The following EHBP1L1 variants were observed in gnomAD, a reference collection of about 807,000 sequenced individuals.
EHBP1L1 encodes EH domain binding protein 1 like 1.
A neutral mutation model predicts 151.1 loss-of-function variants in EHBP1L1; 122 were observed. The ratio of observed to expected loss-of-function variants is 0.81; its 90% CI spans 0.70 to 0.94. The LOEUF (loss-of-function observed/expected upper bound fraction) is 0.94, where lower values mean the gene tolerates loss of function less well. Among genes scored for constraint, EHBP1L1 ranks in the 40% least tolerant of loss-of-function variants. EHBP1L1 has a pLI of 0.00. For synonymous variants in EHBP1L1, 878 were observed against 810.1 expected (o/e 1.08, Z -1.42); for missense variants, 1,941 against 1,959.8 (o/e 0.99, Z 0.18).
chr11:65,581,598 G>T lies in EHBP1L1; in HGVS notation c.926G>T (p.Gly309Val). The T allele has an allele frequency of 1.3e-6, 2 of 1,526,228 alleles. No homozygotes were observed. Among genetic ancestry groups the T allele is most frequent in the Non-Finnish European group, 1.8e-6 (2 of 1,136,768 alleles). 94.5% of individuals were successfully genotyped at this position (1,526,228 alleles called of 1,614,324 possible). Residue 309 changes from glycine to valine, a missense_variant, in exon 9 of 19, where the codon GGC (glycine) becomes GTC (valine). Transcript: ENST00000309295. ...APTPAPRLRK[G>V]SDALRPPVPQ... ...ACCCCAGCCCCTCGGCTCCGGAAAG[G>T]CTCTGATGCCCTCCGGCCCCCAGTC... is the stretch of plus-strand genomic sequence containing the variant.
Position 65,582,262 on chromosome 11 carries a change from A to T in EHBP1L1, c.1590A>T (p.Gly530=). ...GCCTGGAGCAGGGCCCTTCTGTTGG[A>T]GCAATAAGCACCAGGCCCCAGGTGA... ...GTGLEQGPSV[G]AISTRPQVSS... The change falls in exon 9 of 19, where the codon GGA becomes GGT. Residue 530 remains glycine, a synonymous_variant. Coordinates refer to ENST00000309295, the MANE Select transcript of EHBP1L1 (RefSeq NM_001099409.3). 1.3e-6 allele frequency: 2 copies of T among 1,526,724 alleles called. No individual in the cohort carries two copies. The allele number at this position is 1,526,724 out of a possible 1,614,324, so 94.6% of individuals were successfully genotyped here.
chr11:65,583,794 T>C (rs890817942), intron 9 of EHBP1L1, 29 bp downstream of exon 9: 1 of 1,452,654 alleles, frequency 6.9e-7, no homozygotes, highest in Non-Finnish European at 9.0e-7. Flanking sequence ...GAGGGCCCAG[T>C]CTGCTGCTTC....
chr11:65,585,114 G>C lies in EHBP1L1; in HGVS notation c.3456G>C (p.Glu1152Asp). 3 of 1,508,842 alleles carry C rather than the reference G, an allele frequency of 2.0e-6. No homozygotes were observed. In the South Asian group the frequency reaches 3.7e-5, roughly 18 times the overall value. 93.5% of individuals were successfully genotyped at this position (1,508,842 alleles called of 1,614,324 possible). Residue 1152 changes from glutamate to aspartate, a missense_variant, in exon 12 of 19, where the codon GAG (glutamate) becomes GAC (aspartate). Glu to Asp is a conservative substitution (Grantham distance 45, BLOSUM62 2). Transcript: ENST00000309295. This position sits in a 1 kb window ranked among gnomAD's most constrained non-coding sequence, Gnocchi z 4.0. ...TGQELQLVQL[E>D]GGGGAGTYRV... ...AGGAGCTGCAGCTGGTACAACTGGAGGGCGGCGGCGGCGCCGGCACGTACC... is the reference window on the plus strand; with the variant it reads ...AGGAGCTGCAGCTGGTACAACTGGACGGCGGCGGCGGCGCCGGCACGTACC...
At position 65,585,588 on chromosome 11, in the gene EHBP1L1, T is replaced by G; in HGVS notation, c.3930T>G (p.Ala1310=). The part of the protein sequence containing the change: ...DPDAGAMGAA[A]AEGQAPDPSP... ...ACGCGGGAGCCATGGGAGCTGCGGC[T>G]GCAGTGAGTGTCAAGGTCCTTCTTT... The change falls in exon 12 of 19, where the codon GCT becomes GCG. Residue 1310 remains alanine, a synonymous_variant. Coordinates refer to ENST00000309295, the MANE Select transcript of EHBP1L1 (RefSeq NM_001099409.3). This position sits in a 1 kb window ranked among gnomAD's most constrained non-coding sequence, Gnocchi z 4.0. The G allele has an allele frequency of 6.4e-7, 1 of 1,574,340 alleles. No individual in the cohort carries two copies. The highest frequency in any genetic ancestry group is 8.6e-7 in the Non-Finnish European group (1 of 1,167,804).
rs1302798086 is a variant in EHBP1L1, at chr11:65,581,925, G to C, written c.1253G>C (p.Ser418Thr). 71 of 1,613,702 alleles carry C rather than the reference G, an allele frequency of 4.4e-5. No homozygotes were observed. The highest frequency in any genetic ancestry group is 5.9e-5 in the Non-Finnish European group (70 of 1,179,854). Reference protein sequence around the residue: ...SGVRAGEAEESSAVCQVDAEQ... With the variant: ...SGVRAGEAEETSAVCQVDAEQ... ...GTCAGAGCTGGGGAGGCTGAAGAGA[G>C]TTCAGCAGTTTGTCAAGTGGATGCT... Residue 418 changes from serine (S) to threonine (T), a missense_variant, in exon 9 of 19, where the codon AGT becomes ACT. Ser to Thr is a moderately conservative substitution (Grantham distance 58). Transcript: ENST00000309295.
At chr11:65,579,170 GGATGGGGGCCGGTGGGAGGCT>G (rs751888092) in intron 2 of EHBP1L1, 35 bp downstream of exon 2, 2 of 1,573,128 alleles carry the variant, frequency 1.3e-6, no homozygotes, top group East Asian at 4.7e-5. Context: ...TCCAGGTTAG[GGATGGGGGCCGGTGGGAGGCT>G]GATGGGGGCT....
Position 65,592,271 on chromosome 11 carries a change from T to C in EHBP1L1, c.4541T>C (p.Leu1514Ser). Reference protein sequence around the residue: ...EQRRRKLSRQLSRRERCVLS With the variant: ...EQRRRKLSRQSSRRERCVLS ...CGGCGCCGCAAGCTGAGCCGGCAGT[T>C]GAGCCGGCGGGAGCGCTGCGTGCTG... The change falls in exon 19 of 19, where the codon TTG becomes TCG. Residue 1514 changes from leucine (L) to serine (S), a missense_variant. By Grantham distance (145) the Leu-to-Ser change is moderately radical. Coordinates refer to ENST00000309295, the MANE Select transcript of EHBP1L1 (RefSeq NM_001099409.3). The C allele has an allele frequency of 6.5e-7, 1 of 1,531,406 alleles. No individual in the cohort carries two copies. The highest frequency in any genetic ancestry group is 8.7e-7 in the Non-Finnish European group (1 of 1,145,236). 94.9% of individuals were successfully genotyped at this position (1,531,406 alleles called of 1,614,324 possible). A position where few individuals can be genotyped will look rare whatever the true frequency, so the allele number is the denominator to read the frequency against.
intron 16 of EHBP1L1, 97 bp downstream of exon 16, chr11:65,590,689 C>T (rs1858226135): frequency 9.5e-7 from 1 of 1,057,874 alleles, no homozygotes; most frequent in Non-Finnish European, 1.4e-6. Context: ...ATCTTTTTGA[C>T]AAACGATTCC....
chr11:65,582,362 GCT>G lies in EHBP1L1; in HGVS notation c.1691_1692del (p.Ala564GlyfsTer11). On this transcript the variant is annotated frameshift_variant, in exon 9 of 19. Coordinates refer to ENST00000309295, the MANE Select transcript of EHBP1L1 (RefSeq NM_001099409.3). LOFTEE classifies it high-confidence loss of function. The stretch of plus-strand genomic sequence containing the variant: ...GGGTCTGGGAGGCTGGGAGGCAGAA[GCT>G]GGGGGTTCAGGGGACCTGGAAACAG... ...SRGLGGWEAE[A>X]GGSGDLETET... 1 of 1,584,640 alleles carries G rather than the reference GCT, an allele frequency of 6.3e-7. No homozygotes were observed. The highest frequency in any genetic ancestry group is 8.6e-7 in the Non-Finnish European group (1 of 1,167,544).
chr11:65,580,581 C>G (rs1210414324), intron 6 of EHBP1L1, 102 bp downstream of exon 6: 1 of 1,473,022 alleles, frequency 6.8e-7, no homozygotes, highest in Non-Finnish European at 9.1e-7. Flanking sequence ...GATGGGAACT[C>G]ATTACTGCCC....
In EHBP1L1 at chr11:65,585,774, T is replaced by G. The variant is rs1316602976; in HGVS notation, c.3933+183T>G. Among the ~76,000 whole-genome samples the G allele has an allele frequency of 6.6e-6, 1 of 152,160 alleles. No homozygotes were observed. Among genetic ancestry groups the G allele is most frequent in the Non-Finnish European group, 1.5e-5 (1 of 68,008 alleles). On this transcript the variant is annotated intron_variant, in intron 12 of 18. Transcript: ENST00000309295. This position sits in a 1 kb window ranked among gnomAD's most constrained non-coding sequence, Gnocchi z 4.0. ...TCTGATCAGAGGGACCCTGGTGCTG[T>G]GGAAGAGTCCTCTGGTGTGGTAGTG...
rs902837840 is a variant in EHBP1L1 at position 65,581,751 on chromosome 11, C to T, written c.1079C>T (p.Pro360Leu). ...GTEAHGARLG[P>L]SIEDKGSGDP... ...GAAGCCCATGGAGCTAGGCTGGGCC[C>T]GAGCATTGAGGATAAAGGTTCTGGA... The change falls in exon 9 of 19, where the codon CCG (proline) becomes CTG (leucine). Residue 360 changes from proline (P) to leucine (L), a missense_variant. Pro to Leu is a moderately conservative substitution (Grantham distance 98, BLOSUM62 -3). Transcript: ENST00000309295. The T allele has an allele frequency of 6.8e-6, 11 of 1,607,078 alleles. No individual in the cohort carries two copies. The highest frequency in any genetic ancestry group is 1.7e-5 in the Admixed American group (1 of 58,812).
chr11:65,582,188 A>C lies in EHBP1L1; in HGVS notation c.1516A>C (p.Arg506=). The part of the protein sequence containing the change: ...EGARAAAGQE[R]EGAEVRGGAP... ...GGCCAGGGCTGCTGCAGGCCAGGAG[A>C]GAGAGGGTGCAGAAGTGAGGGGTGG... Residue 506 remains arginine (R), a synonymous_variant, in exon 9 of 19, where the codon AGA becomes CGA. Transcript: ENST00000309295. The C allele has an allele frequency of 1.3e-6, 2 of 1,556,682 alleles. No homozygotes were observed. The highest frequency in any genetic ancestry group is 1.7e-6 in the Non-Finnish European group (2 of 1,154,050).
chr11:65,581,226 A>T lies in EHBP1L1; in HGVS notation c.719A>T (p.Asn240Ile). Reference protein sequence around the residue: ...RPQQAVASPSNAEDTSPAPVS... With the variant: ...RPQQAVASPSIAEDTSPAPVS... ...TTCTTCTCAGTTGCCAGCCCTTCTA[A>T]TGCTGAGGATACCAGCCCAGCCCCT... The change falls in exon 8 of 19, where the codon AAT becomes ATT. Residue 240 changes from asparagine to isoleucine, a missense_variant. Asn to Ile is a moderately radical substitution (Grantham distance 149). Coordinates refer to ENST00000309295, the MANE Select transcript of EHBP1L1 (RefSeq NM_001099409.3). 1 of 1,610,006 alleles carries T rather than the reference A, an allele frequency of 6.2e-7. No individual in the cohort carries two copies. The highest frequency in any genetic ancestry group is 8.5e-7 in the Non-Finnish European group (1 of 1,178,474).
chr11:65,579,069 CT>C lies in EHBP1L1; in HGVS notation c.105-8del. ...GCTCCCTTTCTCCCTCCCCTTCCCC[CT>C]CCCCCAGGCAGCCAGATAAGCTGGT... On this transcript the variant is annotated splice_region_variant and splice_polypyrimidine_tract_variant and intron_variant, in intron 1 of 18. Transcript: ENST00000309295. The C allele has an allele frequency of 6.3e-7, 1 of 1,578,180 alleles. No homozygotes were observed. Among genetic ancestry groups the C allele is most frequent in the Non-Finnish European group, 8.6e-7 (1 of 1,162,000 alleles).
Position 65,580,363 on chromosome 11 carries a change from G to A in EHBP1L1, c.518G>A (p.Ser173Asn). ...ATDDDMQSLA[S>N]LMSVKPSDVG... ...GACGATGACATGCAGAGTCTCGCAAGCCTCATGAGTGTGAAGCCTAGTGAT... is the reference window on the plus strand; with the variant it reads ...GACGATGACATGCAGAGTCTCGCAAACCTCATGAGTGTGAAGCCTAGTGAT... The change falls in exon 6 of 19, where the codon AGC becomes AAC. Residue 173 changes from serine (S) to asparagine (N), a missense_variant. Transcript: ENST00000309295. The A allele has an allele frequency of 1.9e-6, 3 of 1,613,800 alleles. No individual in the cohort carries two copies. Among genetic ancestry groups the A allele is most frequent in the Non-Finnish European group, 2.5e-6 (3 of 1,179,858 alleles).
In EHBP1L1 at chr11:65,585,798, TGAGCTCCTCATTAGGGGA is replaced by T. The variant is rs1402472563; in HGVS notation, c.3933+208_3933+225del. On this transcript the variant is annotated intron_variant, in intron 12 of 18. Transcript: ENST00000309295. This position sits in a 1 kb window ranked among gnomAD's most constrained non-coding sequence, Gnocchi z 4.0. Reference sequence around the variant, plus strand: ...GTGGAAGAGTCCTCTGGTGTGGTAGTGAGCTCCTCATTAGGGGACGCATTTGAGCCAAGGCCCACCAGG... The same window carrying T: ...GTGGAAGAGTCCTCTGGTGTGGTAGTCGCATTTGAGCCAAGGCCCACCAGG... 6.6e-6 allele frequency among the ~76,000 whole-genome samples: 1 copy of T among 152,174 alleles called. No individual in the cohort carries two copies. Among genetic ancestry groups the T allele is most frequent in the Non-Finnish European group, 1.5e-5 (1 of 68,002 alleles).
intron 12 of EHBP1L1, among the ~76,000 whole-genome samples, chr11:65,589,161 T>C (rs890077160): frequency 1.3e-5 from 2 of 152,042 alleles, no homozygotes; most frequent in African/African-American, 4.8e-5. Context: ...TCCCAGCACT[T>C]TGGGAGGCCA....
Position 65,581,899 on chromosome 11 carries a change from A to G in EHBP1L1, c.1227A>G (p.Gly409=). ...GGREANTKRS[G]VRAGEAEESS... ...GAGAGGCAAACACTAAGAGGTCAGG[A>G]GTCAGAGCTGGGGAGGCTGAAGAGA... Residue 409 remains glycine, a synonymous_variant, in exon 9 of 19, where the codon GGA becomes GGG. Transcript: ENST00000309295. The G allele has an allele frequency of 6.2e-7, 1 of 1,613,718 alleles. No homozygotes were observed.
Sources: allele counts gnomAD v4.1 joint callset (sites outside exome capture counted in the v4.1 genomes callset), GRCh38; gene constraint gnomAD v4.1.1; non-coding constraint Gnocchi (gnomAD v3.1); transcripts MANE v1.5; gene names NCBI Gene and HGNC (gene_info 2026-07-23, HGNC 2026-07-21).